The following KCTD16 variants were observed in gnomAD, a reference collection of about 807,000 sequenced individuals.
The protein encoded by KCTD16 is BTB/POZ domain-containing protein KCTD16.
A neutral mutation model predicts 33.2 loss-of-function variants in KCTD16; 13 were observed. The observed-to-expected ratio is 0.39, with a 90% CI of 0.25 to 0.62. KCTD16 has a LOEUF of 0.62. Ranked by LOEUF, KCTD16 falls within the 20% of genes least tolerant of loss-of-function variation. The probability of loss-of-function intolerance (pLI) is 0.50; values close to 1 mark genes in which losing one functional copy is unlikely to be tolerated. For missense variants in KCTD16, 441 were observed against 525.1 expected, an observed-to-expected ratio of 0.84 and a Z score of 1.57; for synonymous variants, 197 against 195.3, an observed-to-expected ratio of 1.01 and a Z score of -0.07.
At chr5:144,359,343 G>C (rs1300341348) in intron 3 of KCTD16, among the ~76,000 whole-genome samples, 1 of 152,106 alleles carries the variant, frequency 6.6e-6, no homozygotes, top group Non-Finnish European at 1.5e-5. Flanking sequence ...CTCTTCAGTG[G>C]AGCCAAATTG....
intron 3 of KCTD16, among the ~76,000 whole-genome samples, chr5:144,276,682 T>A (rs938268232): frequency 1.3e-5 from 2 of 152,112 alleles, no homozygotes; most frequent in Non-Finnish European, 2.9e-5. Flanking sequence ...GGTGGGTGGA[T>A]CTCTTGAGGT....
intron 3 of KCTD16, among the ~76,000 whole-genome samples, chr5:144,412,075 G>A (rs1425660903): frequency 6.6e-6 from 1 of 152,094 alleles, no homozygotes; most frequent in Non-Finnish European, 1.5e-5. Context: ...TATTGTTGGT[G>A]GGATGTAAAT....
At chr5:144,392,140 T>C (rs1360852357) in intron 3 of KCTD16, among the ~76,000 whole-genome samples, 2 of 152,286 alleles carry the variant, frequency 1.3e-5, no homozygotes, top group Middle Eastern at 3.4e-3. Context: ...GGGAGAGAGA[T>C]ACAGAGTTAG....
In KCTD16 at chr5:144,481,658, CATTT is replaced by C. The variant is rs1028898079; in HGVS notation, c.*7549_*7552del. The C allele has an allele frequency of 4.0e-5, 6 of 151,804 alleles. No homozygotes were observed. Among genetic ancestry groups the C allele is most frequent in the Non-Finnish European group, 7.4e-5 (5 of 67,904 alleles). The allele number at this position is 151,804 out of a possible 1,614,324, so 9.4% of individuals were successfully genotyped here. A position where few individuals can be genotyped will look rare whatever the true frequency, so the allele number is the denominator to read the frequency against. On this transcript the variant is annotated 3_prime_UTR_variant, in exon 4 of 4. Coordinates refer to ENST00000512467, the MANE Select transcript of KCTD16 (RefSeq NM_020768.4). ...AAGGACCCAGAAAGTTTAAATCGGTCATTTATTTGTTTGTTTATGCATATATCCA... is the reference window on the plus strand; with the variant it reads ...AAGGACCCAGAAAGTTTAAATCGGTCATTTGTTTGTTTATGCATATATCCA...
At chr5:144,225,554 G>A (rs1055963617) in intron 3 of KCTD16, among the ~76,000 whole-genome samples, 1 of 44,540 alleles carries the variant, frequency 2.2e-5, no homozygotes, top group Non-Finnish European at 4.4e-5. Flanking sequence ...AAAATAAATT[G>A]TGTGTGTGTG....
chr5:144,204,838 A>G (rs1487959625), intron 2 of KCTD16, among the ~76,000 whole-genome samples: 1 of 152,024 alleles, frequency 6.6e-6, no homozygotes, highest in Non-Finnish European at 1.5e-5. Context: ...AGAAAAGGAA[A>G]AAAAGGGAGA....
intron 3 of KCTD16, among the ~76,000 whole-genome samples, chr5:144,240,645 T>C (rs191789335): frequency 1.3e-5 from 2 of 152,248 alleles, no homozygotes; most frequent in Admixed American, 1.3e-4. Context: ...TTTTCCCACA[T>C]TGCATTTAAT....
intron 3 of KCTD16, among the ~76,000 whole-genome samples, chr5:144,215,221 A>G (rs112462510): frequency 0.017 from 2,571 of 152,264 alleles, 44 homozygotes; most frequent in South Asian, 0.038. Context: ...ACCAGCAGCA[A>G]AGACTCCTGT....
intron 3 of KCTD16, among the ~76,000 whole-genome samples, chr5:144,260,664 T>C (rs934650476): frequency 6.6e-6 from 1 of 152,170 alleles, no homozygotes; most frequent in Non-Finnish European, 1.5e-5. Context: ...AACTATAATG[T>C]GAGATTTATG....
chr5:144,266,204 T>C (rs548762084), intron 3 of KCTD16, among the ~76,000 whole-genome samples: 13 of 152,330 alleles, frequency 8.5e-5, no homozygotes, highest in African/African-American at 2.9e-4. Context: ...CATGCATATA[T>C]GTATATGAGT....
chr5:144,344,369 T>TAAACG (rs1752726997), intron 3 of KCTD16, among the ~76,000 whole-genome samples: 1 of 109,048 alleles, frequency 9.2e-6, no homozygotes, highest in African/African-American at 4.1e-5. Flanking sequence ...GGGATCTAAT[T>TAAACG]AAAGAGCTTC....
chr5:144,437,423 C>G (rs1371498493), intron 3 of KCTD16, among the ~76,000 whole-genome samples: 2 of 152,136 alleles, frequency 1.3e-5, no homozygotes, highest in African/African-American at 4.8e-5. Context: ...AGTCCCATGT[C>G]TTAATTTATT....
intron 3 of KCTD16, among the ~76,000 whole-genome samples, chr5:144,437,794 A>T (rs1215274477): frequency 1.3e-5 from 2 of 152,166 alleles, no homozygotes; most frequent in Non-Finnish European, 2.9e-5. Context: ...TGACCACACG[A>T]CTTTTAATGT....
Position 144,177,324 on chromosome 5 carries a change from G to A in KCTD16, c.-327+2852G>A, listed in dbSNP as rs145299746. ...TGCTGTTGAGGAATGGAAGGGATGAGACTAAAGTGATGGTTTGAAAAAATA... is the reference window on the plus strand; with the variant it reads ...TGCTGTTGAGGAATGGAAGGGATGAAACTAAAGTGATGGTTTGAAAAAATA... On this transcript the variant is annotated intron_variant, in intron 2 of 3. Transcript: ENST00000512467. Among the ~76,000 whole-genome samples the A allele has an allele frequency of 7.9e-4, 121 of 152,304 alleles. 2 individuals are homozygous for A. In the East Asian group the frequency reaches 0.021, roughly 27 times the overall value.
At chr5:144,197,417 A>T (rs1217631480) in intron 2 of KCTD16, among the ~76,000 whole-genome samples, 1 of 152,134 alleles carries the variant, frequency 6.6e-6, no homozygotes, top group Non-Finnish European at 1.5e-5. Context: ...GATATGCTAC[A>T]CTCTTAGATC....
intron 3 of KCTD16, among the ~76,000 whole-genome samples, chr5:144,288,951 G>T (rs1029875238): frequency 1.3e-5 from 2 of 152,122 alleles, no homozygotes; most frequent in African/African-American, 4.8e-5. Context: ...GGGAGGCGGA[G>T]GTTGCAGTGA....
At chr5:144,421,438 A>C (rs1753206872) in intron 3 of KCTD16, among the ~76,000 whole-genome samples, 1 of 152,140 alleles carries the variant, frequency 6.6e-6, no homozygotes, top group African/African-American at 2.4e-5. Context: ...AGACTGCGGC[A>C]CATTGGATAA....
chr5:144,461,174 T>A lies in KCTD16; in HGVS notation c.833-12486T>A, dbSNP rs532988185. ...TTTCCACCGGGCTGCTCTATATAAT[T>A]GCATGGATGCATGCATGTCACAAAG... On this transcript the variant is annotated intron_variant, in intron 3 of 3. Transcript: ENST00000512467. 2.6e-5 allele frequency among the ~76,000 whole-genome samples: 4 copies of A among 152,314 alleles called. No individual in the cohort carries two copies. In the East Asian group the frequency reaches 5.8e-4, roughly 22 times the overall value.
At chr5:144,226,984 A>G (rs1398905910) in intron 3 of KCTD16, among the ~76,000 whole-genome samples, 1 of 152,220 alleles carries the variant, frequency 6.6e-6, no homozygotes, top group Non-Finnish European at 1.5e-5. Flanking sequence ...TATTTTTATT[A>G]AACAGCTACT....
Sources: allele counts gnomAD v4.1 joint callset (sites outside exome capture counted in the v4.1 genomes callset), GRCh38; gene constraint gnomAD v4.1.1; transcripts MANE v1.5; gene names NCBI Gene and HGNC (gene_info 2026-07-23, HGNC 2026-07-21).